ITGBL1: variants seen among roughly 807,000 people sequenced by gnomAD.
The protein encoded by ITGBL1 is integrin beta-like protein 1.
Under a neutral mutation model 68.5 loss-of-function variants are expected in ITGBL1, and 51 were observed. That is an observed-to-expected ratio of 0.74 (90% CI 0.59 to 0.94). The LOEUF is 0.94. Among genes scored for constraint, ITGBL1 ranks in the 40% least tolerant of loss-of-function variants. The pLI, the probability that ITGBL1 is intolerant of heterozygous loss-of-function variation, is 0.00. For missense variants in ITGBL1, 649 were observed against 647.4 expected (o/e 1.00, Z -0.03); for synonymous variants, 209 against 227.3 (o/e 0.92, Z 0.72).
intron 2 of ITGBL1, among the ~76,000 whole-genome samples, chr13:101,566,920 C>T (rs1433362331): frequency 2.0e-5 from 3 of 152,160 alleles, no homozygotes; most frequent in Non-Finnish European, 4.4e-5. Flanking sequence ...CTGACAATCA[C>T]ATCAGCTTCT....
chr13:101,538,595 C>G (rs754218135), intron 2 of ITGBL1, among the ~76,000 whole-genome samples: 2 of 151,792 alleles, frequency 1.3e-5, no homozygotes, highest in African/African-American at 4.8e-5. Context: ...ATAAACAAAA[C>G]TCCAGAAAAA....
At chr13:101,665,454 T>G (rs970136154) in intron 7 of ITGBL1, among the ~76,000 whole-genome samples, 3 of 152,086 alleles carry the variant, frequency 2.0e-5, no homozygotes, top group African/African-American at 7.2e-5. Context: ...TATAACTATT[T>G]TTAAAATTAT....
chr13:101,602,597 A>G (rs1046653687), intron 7 of ITGBL1, among the ~76,000 whole-genome samples: 1 of 152,024 alleles, frequency 6.6e-6, no homozygotes, highest in Non-Finnish European at 1.5e-5. Flanking sequence ...TATAATTCAC[A>G]TACCACAAAA....
intron 7 of ITGBL1, among the ~76,000 whole-genome samples, chr13:101,692,297 T>A (rs2033898411): frequency 6.6e-6 from 1 of 151,848 alleles, no homozygotes; most frequent in Admixed American, 6.6e-5. Context: ...AGCCAGAGAG[T>A]TTTATAATGG....
chr13:101,520,635 A>G (rs569005776), intron 2 of ITGBL1, among the ~76,000 whole-genome samples: 1 of 152,128 alleles, frequency 6.6e-6, no homozygotes, highest in East Asian at 1.9e-4. Flanking sequence ...CACCCTGCTC[A>G]CTCCGTGGGG....
intron 7 of ITGBL1, among the ~76,000 whole-genome samples, chr13:101,648,535 A>G (rs1013372160): frequency 1.3e-5 from 2 of 152,194 alleles, no homozygotes; most frequent in Admixed American, 1.3e-4. Flanking sequence ...TGTATTCATC[A>G]TTGTTTTGGT....
intron 2 of ITGBL1, among the ~76,000 whole-genome samples, chr13:101,479,715 A>G (rs1314484178): frequency 6.6e-6 from 1 of 152,128 alleles, no homozygotes; most frequent in Admixed American, 6.5e-5. Context: ...GGTGCTCAAC[A>G]TGACAGATCA....
intron 2 of ITGBL1, among the ~76,000 whole-genome samples, chr13:101,506,097 CCTA>C (rs2049022699): frequency 6.6e-6 from 1 of 152,102 alleles, no homozygotes; most frequent in Admixed American, 6.6e-5. Context: ...TGATGGCAAG[CCTA>C]CTACAATGCG....
intron 7 of ITGBL1, among the ~76,000 whole-genome samples, chr13:101,640,576 G>T (rs2032328473): frequency 6.6e-6 from 1 of 151,926 alleles, no homozygotes; most frequent in Non-Finnish European, 1.5e-5. Context: ...TTCTTATTTA[G>T]CTTTGTGGTC....
chr13:101,651,581 G>T (rs1394250953), intron 7 of ITGBL1, among the ~76,000 whole-genome samples: 1 of 152,116 alleles, frequency 6.6e-6, no homozygotes, highest in Non-Finnish European at 1.5e-5. Context: ...ACCTTTGTCA[G>T]ATGGATAGAA....
intron 9 of ITGBL1, chr13:101,710,731 T>C (rs2034424445): frequency 6.6e-6 from 1 of 152,182 alleles, no homozygotes; most frequent in African/African-American, 2.4e-5. Context: ...GCACACAGCT[T>C]GGTGGCCTGT....
chr13:101,524,038 G>A (rs1041893903), intron 2 of ITGBL1, among the ~76,000 whole-genome samples: 96 of 152,244 alleles, frequency 6.3e-4, no homozygotes, highest in African/African-American at 2.2e-3. Context: ...GTGGGTGAAA[G>A]AGAGGTGACA....
chr13:101,696,060 CTG>C (rs2033994540), intron 8 of ITGBL1, among the ~76,000 whole-genome samples: 1 of 152,158 alleles, frequency 6.6e-6, no homozygotes, highest in Non-Finnish European at 1.5e-5. Context: ...GCCTCAACAT[CTG>C]TGCAGTGTGG....
At chr13:101,620,438 G>A in intron 7 of ITGBL1, among the ~76,000 whole-genome samples, 1 of 152,070 alleles carries the variant, frequency 6.6e-6, no homozygotes, top group East Asian at 1.9e-4. Flanking sequence ...TTCAAAACTT[G>A]TTCATTCTCA....
At chr13:101,632,645 T>C (rs1183774456) in intron 7 of ITGBL1, among the ~76,000 whole-genome samples, 1 of 152,194 alleles carries the variant, frequency 6.6e-6, no homozygotes, top group Non-Finnish European at 1.5e-5. Flanking sequence ...AAATTACTGA[T>C]AAAGACAACA....
rs917318455 is a variant in ITGBL1 at position 101,706,703 on chromosome 13, T to C, written c.1133-53T>C. On this transcript the variant is annotated intron_variant, in intron 8 of 10. Transcript: ENST00000376180. ...ACATTTCTTTCTTAAAACTCTCTGC[T>C]TCAGCTGGTTATTTCCTCATCCTCT... The C allele has an allele frequency of 2.5e-6, 4 of 1,569,160 alleles. No individual in the cohort carries two copies. In the African/African-American group the frequency reaches 5.4e-5, roughly 21 times the overall value.
chr13:101,694,257 C>CT (rs531234149), intron 8 of ITGBL1, among the ~76,000 whole-genome samples: 20 of 151,966 alleles, frequency 1.3e-4, no homozygotes, highest in Non-Finnish European at 2.1e-4. Context: ...AGGTTTTACT[C>CT]TTTTTGTTTG....
chr13:101,584,197 A>T (rs1355312359), intron 6 of ITGBL1, among the ~76,000 whole-genome samples: 1 of 152,192 alleles, frequency 6.6e-6, no homozygotes, highest in Non-Finnish European at 1.5e-5. Flanking sequence ...CTACTGGTGT[A>T]GTAGGAGCCA....
chr13:101,647,323 A>G (rs1445950870), intron 7 of ITGBL1, among the ~76,000 whole-genome samples: 4 of 152,210 alleles, frequency 2.6e-5, no homozygotes, highest in African/African-American at 7.2e-5. Context: ...TGATGAGAAA[A>G]TATTTGTCTA....
Sources: gnomAD v4.1 joint callset for allele counts (sites outside exome capture counted in the v4.1 genomes callset) on GRCh38, gnomAD v4.1.1 for gene constraint, MANE v1.5 for transcripts, NCBI Gene and HGNC (gene_info 2026-07-23, HGNC 2026-07-21) for gene names.